MYO7B: variants seen among roughly 807,000 people sequenced by gnomAD.
MYO7B encodes unconventional myosin-VIIb.
Under a neutral mutation model 259.7 loss-of-function variants are expected in MYO7B, and 212 were observed. The ratio of observed to expected loss-of-function variants is 0.82; its 90% CI spans 0.73 to 0.91. MYO7B has a LOEUF of 0.91. Ranked by LOEUF, MYO7B falls within the 40% of genes least tolerant of loss-of-function variation. The pLI, the probability that MYO7B is intolerant of heterozygous loss-of-function variation, is 0.00. For synonymous variants in MYO7B, 1,197 were observed against 1,166.4 expected (o/e 1.03, Z -0.54); for missense variants, 2,732 against 2,813.5 (o/e 0.97, Z 0.66).
At position 127,612,623 on chromosome 2, in the gene MYO7B, C is replaced by A; in HGVS notation, c.3398+20C>A. On this transcript the variant is annotated intron_variant, in intron 26 of 47. Transcript: ENST00000409816. The stretch of plus-strand genomic sequence containing the variant: ...CCTCAGGTCAGTTCCCACTCCCATC[C>A]CGGCCCCATTCAGAGCATCAGATGC... 1 of 1,608,160 alleles carries A rather than the reference C, an allele frequency of 6.2e-7. No individual in the cohort carries two copies. Among genetic ancestry groups the A allele is most frequent in the Non-Finnish European group, 8.5e-7 (1 of 1,178,288 alleles).
At chr2:127,552,414 G>A (rs1294991788) in intron 1 of MYO7B, among the ~76,000 whole-genome samples, 1 of 152,144 alleles carries the variant, frequency 6.6e-6, no homozygotes, top group Non-Finnish European at 1.5e-5. Context: ...GTTGCTCATG[G>A]GACCCAGCTG....
rs950600486 is a variant in MYO7B, at chr2:127,590,626, T to C, written c.1992+397T>C. ...ACTCAACAAAGGCAGAAATCAGTAATAGGACTTTAGAGGCTGACACCACTC... is the reference window on the plus strand; with the variant it reads ...ACTCAACAAAGGCAGAAATCAGTAACAGGACTTTAGAGGCTGACACCACTC... On this transcript the variant is annotated intron_variant, in intron 16 of 47. Transcript: ENST00000409816. This position sits in a 1 kb window ranked among gnomAD's most constrained non-coding sequence, Gnocchi z 4.6. 6.6e-6 allele frequency among the ~76,000 whole-genome samples: 1 copy of C among 152,188 alleles called. No individual in the cohort carries two copies. The highest frequency in any genetic ancestry group is 1.5e-5 in the Non-Finnish European group (1 of 68,032).
intron 19 of MYO7B, 106 bp downstream of exon 19, chr2:127,596,662 C>A: frequency 2.2e-6 from 2 of 893,898 alleles, no homozygotes; most frequent in Non-Finnish European, 3.6e-6. Flanking sequence ...TGGGCCCTCC[C>A]TGGGGTTACT....
At chr2:127,547,885 T>C (rs1174111622) in intron 1 of MYO7B, among the ~76,000 whole-genome samples, 1 of 152,228 alleles carries the variant, frequency 6.6e-6, no homozygotes, top group Non-Finnish European at 1.5e-5. Context: ...GAAGATACTA[T>C]GGAGAATTAG....
rs1681557120 is a variant in MYO7B at position 127,632,235 on chromosome 2, C to G, written c.5250-11C>G. 1 of 1,610,606 alleles carries G rather than the reference C, an allele frequency of 6.2e-7. No individual in the cohort carries two copies. Among genetic ancestry groups the G allele is most frequent in the Non-Finnish European group, 8.5e-7 (1 of 1,179,036 alleles). ...AGGGGCCTTTCCCGGCTGACAAGTG[C>G]TACCCTTCAGGCACAGCGAAGAGCG... On this transcript the variant is annotated splice_polypyrimidine_tract_variant and intron_variant, in intron 38 of 47. Coordinates refer to ENST00000409816, the MANE Select transcript of MYO7B (RefSeq NM_001393586.1).
chr2:127,540,671 G>A (rs1006684429), intron 1 of MYO7B, among the ~76,000 whole-genome samples: 6 of 152,186 alleles, frequency 3.9e-5, no homozygotes, highest in African/African-American at 9.7e-5. Flanking sequence ...ATGAAGTGGG[G>A]CTTCTCAAGG....
chr2:127,610,253 G>A (rs1227860301), intron 24 of MYO7B, among the ~76,000 whole-genome samples: 1 of 152,114 alleles, frequency 6.6e-6, no homozygotes, highest in African/African-American at 2.4e-5. Flanking sequence ...TTAACGGAGA[G>A]GGTGCCCTGG....
At chr2:127,631,143 A>G in intron 36 of MYO7B, 63 bp from the exon 37 acceptor site, 1 of 1,497,920 alleles carries the variant, frequency 6.7e-7, no homozygotes, top group South Asian at 1.3e-5. Context: ...GTGTCAGAGG[A>G]CAGAGAAGCG....
intron 1 of MYO7B, among the ~76,000 whole-genome samples, chr2:127,537,672 TAGG>T (rs1254005832): frequency 2.7e-5 from 4 of 146,748 alleles, no homozygotes; most frequent in Non-Finnish European, 3.0e-5. Flanking sequence ...GAAGAAGGAA[TAGG>T]AGGAGGAGGA....
chr2:127,598,153 C>T (rs1011575553), intron 19 of MYO7B, among the ~76,000 whole-genome samples: 10 of 152,146 alleles, frequency 6.6e-5, no homozygotes, highest in Admixed American at 2.6e-4. Flanking sequence ...AGTCATACAA[C>T]GGTTACAAGT....
In MYO7B at chr2:127,609,681, C is replaced by T. The variant is rs1328515396; in HGVS notation, c.2990C>T (p.Pro997Leu). The T allele has an allele frequency of 3.7e-6, 6 of 1,613,860 alleles. No homozygotes were observed. Among genetic ancestry groups the T allele is most frequent in the African/African-American group, 1.3e-5 (1 of 74,930 alleles). Residue 997 changes from proline (P) to leucine (L), a missense_variant, in exon 23 of 48, where the codon CCG (proline) becomes CTG (leucine). This residue lies in a region of MYO7B where 1,906 missense variants were observed against 2,026.4 expected (regional missense o/e 0.94). Transcript: ENST00000409816. This position sits in a 1 kb window ranked among gnomAD's most constrained non-coding sequence, Gnocchi z 6.9. ...CACATCCGGCGGCCCCTCCGATACCCGTTGCTTTACCACGAAGATGACACT... is the reference window on the plus strand; with the variant it reads ...CACATCCGGCGGCCCCTCCGATACCTGTTGCTTTACCACGAAGATGACACT... ...HTHIRRPLRY[P>L]LLYHEDDTDC...
At chr2:127,578,050 G>A (rs1266288242) in intron 8 of MYO7B, 83 bp from the exon 9 acceptor site, 1 of 1,536,502 alleles carries the variant, frequency 6.5e-7, no homozygotes, top group African/African-American at 1.4e-5. Context: ...CCTATGAAGT[G>A]CAGTGTCTCA....
At chr2:127,568,102 C>T (rs1256391643) in intron 5 of MYO7B, among the ~76,000 whole-genome samples, 1 of 152,324 alleles carries the variant, frequency 6.6e-6, no homozygotes, top group East Asian at 1.9e-4. Flanking sequence ...AGATCCTGTT[C>T]CAGTGGTACA....
Position 127,636,156 on chromosome 2 carries a change from C to T in MYO7B, c.6007-52C>T. 1 of 1,471,524 alleles carries T rather than the reference C, an allele frequency of 6.8e-7. No individual in the cohort carries two copies. Among genetic ancestry groups the T allele is most frequent in the Non-Finnish European group, 9.4e-7 (1 of 1,058,910 alleles). The allele number at this position is 1,471,524 out of a possible 1,614,324, so 91.2% of individuals were successfully genotyped here. ...TAGGCAGGTGCTGCCCCCACCAGGGCTTTGGAGGGCCTCTGGGCACCCAAG... is the reference window on the plus strand; with the variant it reads ...TAGGCAGGTGCTGCCCCCACCAGGGTTTTGGAGGGCCTCTGGGCACCCAAG... On this transcript the variant is annotated intron_variant, in intron 44 of 47. Coordinates refer to ENST00000409816, the MANE Select transcript of MYO7B (RefSeq NM_001393586.1). The surrounding 1 kb of genome is among the most constrained non-coding windows in gnomAD (Gnocchi z 4.5).
rs758518625 is a variant in MYO7B, at chr2:127,578,123, T to C, written c.850-10T>C. On this transcript the variant is annotated splice_polypyrimidine_tract_variant and intron_variant, in intron 8 of 47. Transcript: ENST00000409816. Reference sequence around the variant, plus strand: ...GATGGCCCCATTCACTGAGGCACCCTGTCCCTCAGGGGAACTGCACTTCCT... The same window carrying C: ...GATGGCCCCATTCACTGAGGCACCCCGTCCCTCAGGGGAACTGCACTTCCT... 1.2e-6 allele frequency: 2 copies of C among 1,613,442 alleles called. No homozygotes were observed. Among genetic ancestry groups the C allele is most frequent in the East Asian group, 4.5e-5 (2 of 44,856 alleles).
chr2:127,588,921 G>C (rs1679418077), intron 15 of MYO7B, among the ~76,000 whole-genome samples: 1 of 148,540 alleles, frequency 6.7e-6, no homozygotes, highest in Admixed American at 6.7e-5. Flanking sequence ...GGATGGGTGA[G>C]TGGATGGACG....
chr2:127,632,203 C>T (rs1681553824), intron 38 of MYO7B, 43 bp from the exon 39 acceptor site: 1 of 1,586,360 alleles, frequency 6.3e-7, no homozygotes, highest in Non-Finnish European at 8.6e-7. Context: ...CTGGCCAGGG[C>T]CCCCTGAGGG....
chr2:127,618,731 G>T (rs1466007152), intron 26 of MYO7B, among the ~76,000 whole-genome samples: 7 of 152,350 alleles, frequency 4.6e-5, no homozygotes, highest in African/African-American at 1.7e-4. Context: ...CATTGTTGGG[G>T]CATGGAGCTT....
At position 127,541,576 on chromosome 2, in the gene MYO7B, T is replaced by C. The variant is rs1286220147; in HGVS notation, c.-24+5745T>C. On this transcript the variant is annotated intron_variant, in intron 1 of 47. Coordinates refer to ENST00000409816, the MANE Select transcript of MYO7B (RefSeq NM_001393586.1). ...ACTGCAGGCTGGACTAGAAGCTAAA[T>C]AGGCCGACACTTGCCCATACCTACA... 1.5e-4 allele frequency among the ~76,000 whole-genome samples: 23 copies of C among 152,168 alleles called. 1 individual carries two copies. Among genetic ancestry groups the C allele is most frequent in the Admixed American group, 1.5e-3 (23 of 15,282 alleles).
Sources: allele counts gnomAD v4.1 joint callset (sites outside exome capture counted in the v4.1 genomes callset), GRCh38; gene constraint gnomAD v4.1.1; regional missense constraint gnomAD v4.1.1; non-coding constraint Gnocchi (gnomAD v3.1); transcripts MANE v1.5; gene names NCBI Gene and HGNC (gene_info 2026-07-23, HGNC 2026-07-21).